Variants in TNR observed in about 807,000 individuals in gnomAD.
The protein encoded by TNR is tenascin-R.
Under a neutral mutation model 150.4 loss-of-function variants are expected in TNR, and 45 were observed. The ratio of observed to expected loss-of-function variants is 0.30; its 90% CI spans 0.24 to 0.38. TNR has a LOEUF of 0.38. Ranked by LOEUF, TNR falls within the 10% of genes least tolerant of loss-of-function variation. TNR has a pLI of 1.00. For missense variants in TNR, 1,544 were observed against 1,759.1 expected, an observed-to-expected ratio of 0.88 and a Z score of 2.19; for synonymous variants, 687 against 678.4, an observed-to-expected ratio of 1.01 and a Z score of -0.20.
intron 1 of TNR, among the ~76,000 whole-genome samples, chr1:175,610,790 C>T (rs1201495169): frequency 5.9e-5 from 9 of 152,236 alleles, no homozygotes; most frequent in Admixed American, 3.9e-4. Context: ...AAATGTTCTT[C>T]GATTTGACAC....
Position 175,579,205 on chromosome 1 carries a change from C to CTTCCTTCA in TNR, c.-164-50837_-164-50836insTGAAGGAA, listed in dbSNP as rs1471150533. Among the ~76,000 whole-genome samples, 4 of 146,278 alleles carry CTTCCTTCA rather than the reference C, an allele frequency of 2.7e-5. No homozygotes were observed. In the East Asian group the frequency reaches 8.5e-4, roughly 31 times the overall value. ...CCTTCCTTCCTTCCTTCCTTCCTTC[C>CTTCCTTCA]TTCTTTCCTTCCTTCCTTCTTGCCT... On this transcript the variant is annotated intron_variant, in intron 1 of 22. Transcript: ENST00000367674.
chr1:175,642,290 A>T (rs1459036060), intron 1 of TNR, among the ~76,000 whole-genome samples: 1 of 152,154 alleles, frequency 6.6e-6, no homozygotes, highest in Non-Finnish European at 1.5e-5. Context: ...GGGGGAGAAA[A>T]AGTGTTGCAA....
At chr1:175,375,943 A>G (rs1652356137) in intron 9 of TNR, among the ~76,000 whole-genome samples, 1 of 152,226 alleles carries the variant, frequency 6.6e-6, no homozygotes, top group Non-Finnish European at 1.5e-5. Context: ...TTTAGATGAG[A>G]GAACTAAAGT....
intron 2 of TNR, among the ~76,000 whole-genome samples, chr1:175,527,105 C>T (rs1214305918): frequency 4.6e-5 from 7 of 152,178 alleles, no homozygotes; most frequent in Admixed American, 3.9e-4. Context: ...GTTGCTTTCG[C>T]GACAGGCAAC....
intron 2 of TNR, among the ~76,000 whole-genome samples, chr1:175,507,546 C>T (rs986590207): frequency 4.6e-5 from 7 of 151,446 alleles, no homozygotes; most frequent in African/African-American, 1.7e-4. Context: ...ACATCTGATC[C>T]CCCCTTCCCT....
At chr1:175,677,853 G>C (rs1665909286) in intron 1 of TNR, among the ~76,000 whole-genome samples, 3 of 152,012 alleles carry the variant, frequency 2.0e-5, no homozygotes, top group African/African-American at 7.3e-5. Flanking sequence ...ACGGCAAAGG[G>C]CTACCGAAAT....
At chr1:175,404,705 G>A (rs1020683986) in intron 3 of TNR, among the ~76,000 whole-genome samples, 4 of 152,128 alleles carry the variant, frequency 2.6e-5, no homozygotes, top group Non-Finnish European at 4.4e-5. Context: ...GATCCTGGTG[G>A]AAGGCTGGCA....
intron 1 of TNR, among the ~76,000 whole-genome samples, chr1:175,578,293 A>G (rs1013379399): frequency 6.6e-6 from 1 of 152,126 alleles, no homozygotes; most frequent in Non-Finnish European, 1.5e-5. Flanking sequence ...CAATTTAACT[A>G]CATAGATAAC....
intron 1 of TNR, among the ~76,000 whole-genome samples, chr1:175,565,181 C>A (rs1206641838): frequency 1.3e-5 from 2 of 152,214 alleles, no homozygotes; most frequent in East Asian, 3.8e-4. Flanking sequence ...GATGACTCTG[C>A]CAAGCCAGAC....
At chr1:175,477,357 A>G (rs1034603449) in intron 2 of TNR, among the ~76,000 whole-genome samples, 6 of 152,174 alleles carry the variant, frequency 3.9e-5, no homozygotes, top group African/African-American at 1.4e-4. Context: ...TCTGGGTTGT[A>G]ACATTTATCT....
At position 175,330,150 on chromosome 1, in the gene TNR, G is replaced by C; in HGVS notation, c.3717C>G (p.Ala1239=). 1 of 1,613,746 alleles carries C rather than the reference G, an allele frequency of 6.2e-7. No individual in the cohort carries two copies. Among genetic ancestry groups the C allele is most frequent in the Non-Finnish European group, 8.5e-7 (1 of 1,179,648 alleles). ...CCTCGACAGAGAACCTGTCGTAGGA[G>C]GCGAAGGCGGCCTCTTGGCCATCCC... The part of the protein sequence containing the change: ...DMRDGQEAAF[A]SYDRFSVEDS... Residue 1239 remains alanine, a synonymous_variant, in exon 21 of 23, where the codon GCC becomes GCG. Coordinates refer to ENST00000367674, the MANE Select transcript of TNR (RefSeq NM_003285.3).
At chr1:175,417,075 G>GAAAGAAAAGAAAT (rs754333098) in intron 2 of TNR, among the ~76,000 whole-genome samples, 1 of 138,166 alleles carries the variant, frequency 7.2e-6, no homozygotes, top group Non-Finnish European at 1.6e-5. Context: ...AAGAAAGAAA[G>GAAAGAAAAGAAAT]AAATCTAAGA....
intron 2 of TNR, among the ~76,000 whole-genome samples, chr1:175,477,538 A>G (rs1290014397): frequency 1.3e-5 from 2 of 152,198 alleles, no homozygotes; most frequent in South Asian, 2.1e-4. Flanking sequence ...TGCTTTGCCA[A>G]TGCATGGGGA....
intron 1 of TNR, among the ~76,000 whole-genome samples, chr1:175,695,803 T>G (rs1326511907): frequency 3.9e-5 from 6 of 152,236 alleles, no homozygotes; most frequent in Non-Finnish European, 7.3e-5. Context: ...TATTATTTGT[T>G]CATTAGGGTG....
intron 2 of TNR, among the ~76,000 whole-genome samples, chr1:175,453,793 G>C (rs923307591): frequency 6.6e-6 from 1 of 152,078 alleles, no homozygotes; most frequent in Non-Finnish European, 1.5e-5. Context: ...GTCTGGTCTC[G>C]AATTCCTGGC....
intron 2 of TNR, among the ~76,000 whole-genome samples, chr1:175,520,929 G>A (rs1440020970): frequency 6.6e-6 from 1 of 152,078 alleles, no homozygotes; most frequent in Non-Finnish European, 1.5e-5. Flanking sequence ...ATTCCATTGT[G>A]GATAAACAAG....
At chr1:175,592,605 G>A (rs1034575602) in intron 1 of TNR, among the ~76,000 whole-genome samples, 1 of 152,200 alleles carries the variant, frequency 6.6e-6, no homozygotes, top group Non-Finnish European at 1.5e-5. Context: ...ACATTTCTGA[G>A]GATCAATCAC....
In TNR at chr1:175,587,782, G is replaced by T. The variant is rs139722404; in HGVS notation, c.-164-59413C>A. Among the ~76,000 whole-genome samples the T allele has an allele frequency of 6.4e-3, 972 of 152,310 alleles. 10 individuals are homozygous for T. The highest frequency in any genetic ancestry group is 0.022 in the African/African-American group (915 of 41,560). On this transcript the variant is annotated intron_variant, in intron 1 of 22. Coordinates refer to ENST00000367674, the MANE Select transcript of TNR (RefSeq NM_003285.3). ...AAGCTGCCCAGGTGATTTTTAATGTGCAGAAGGGTTGAAAAGCACTGGACA... is the reference window on the plus strand; with the variant it reads ...AAGCTGCCCAGGTGATTTTTAATGTTCAGAAGGGTTGAAAAGCACTGGACA...
At position 175,623,623 on chromosome 1, in the gene TNR, C is replaced by A. The variant is rs539923835; in HGVS notation, c.-164-95254G>T. Among the ~76,000 whole-genome samples the A allele has an allele frequency of 2.0e-5, 3 of 152,360 alleles. No individual in the cohort carries two copies. The East Asian group carries it at 5.8e-4, about 29-fold the overall frequency. On this transcript the variant is annotated intron_variant, in intron 1 of 22. Transcript: ENST00000367674. ...CCCCAGGCATTTGTATATACTGTTT[C>A]CTTTCCATGGAACACCCTGTAGCCC...
Sources: gnomAD v4.1 joint callset for allele counts (sites outside exome capture counted in the v4.1 genomes callset) on GRCh38, gnomAD v4.1.1 for gene constraint, MANE v1.5 for transcripts, NCBI Gene and HGNC (gene_info 2026-07-23, HGNC 2026-07-21) for gene names.